Variants in ERC2 observed in about 807,000 individuals in gnomAD.
The protein encoded by ERC2 is ELKS/RAB6-interacting/CAST family member 2, also known as ERC protein 2.
A neutral mutation model predicts 114.8 loss-of-function variants in ERC2; 42 were observed. The observed-to-expected ratio is 0.37, with a 90% CI of 0.29 to 0.47. The LOEUF (loss-of-function observed/expected upper bound fraction) is 0.47, where lower values mean the gene tolerates loss of function less well. ERC2 is among the 20% of genes least tolerant of loss of function. The pLI, the probability that ERC2 is intolerant of heterozygous loss-of-function variation, is 0.99. For missense variants in ERC2, 939 were observed against 1,150.7 expected (o/e 0.82, Z 2.66); for synonymous variants, 454 against 425.5 (o/e 1.07, Z -0.82).
chr3:55,834,050 G>A (rs2060752146), intron 14 of ERC2, among the ~76,000 whole-genome samples: 1 of 151,634 alleles, frequency 6.6e-6, no homozygotes, highest in South Asian at 2.1e-4. Flanking sequence ...AATTCAACAA[G>A]AAGAGCTAAC....
chr3:55,955,204 T>C, intron 12 of ERC2: 2 of 508,936 alleles, frequency 3.9e-6, no homozygotes, highest in South Asian at 2.9e-5. Context: ...GGAATAGTTT[T>C]GGGAGGAAAT....
intron 17 of ERC2, among the ~76,000 whole-genome samples, chr3:55,550,878 T>C (rs867355611): frequency 2.1e-4 from 32 of 151,542 alleles, no homozygotes; most frequent in African/African-American, 4.1e-4. Context: ...TAGCCGGGCG[T>C]GGTGGTGGGT....
Position 56,434,789 on chromosome 3 carries a change from T to G in ERC2, c.219A>C (p.Thr73=), listed in dbSNP as rs770996276. 5.6e-6 allele frequency: 9 copies of G among 1,613,976 alleles called. No individual in the cohort carries two copies. Among genetic ancestry groups the G allele is most frequent in the Admixed American group, 3.3e-5 (2 of 60,024 alleles). ...YLSDHEGVAS[T]TYPKGTMTLG... ...GAGTCATAGTGCCCTTTGGGTAGGT[T>G]GTTGAAGCCACCCCTTCATGATCAC... is the stretch of plus-strand genomic sequence containing the variant. The change falls in exon 2 of 18, where the codon ACA becomes ACC. Residue 73 remains threonine (T), a synonymous_variant. Coordinates refer to ENST00000288221, the MANE Select transcript of ERC2 (RefSeq NM_015576.3).
intron 14 of ERC2, among the ~76,000 whole-genome samples, chr3:55,756,431 T>G (rs1168852118): frequency 7.2e-5 from 11 of 152,150 alleles, no homozygotes; most frequent in Non-Finnish European, 1.0e-4. Flanking sequence ...GCAATGGAGC[T>G]TCCCATATGT....
chr3:55,749,104 G>A (rs2066496597), intron 14 of ERC2, among the ~76,000 whole-genome samples: 1 of 152,182 alleles, frequency 6.6e-6, no homozygotes, highest in Admixed American at 6.5e-5. Context: ...AAGGCCTTTT[G>A]CACAAATTGG....
chr3:55,921,045 T>G (rs1233975097), intron 13 of ERC2, among the ~76,000 whole-genome samples: 1 of 152,102 alleles, frequency 6.6e-6, no homozygotes, highest in Admixed American at 6.6e-5. Flanking sequence ...GAGCACACCC[T>G]AAAACCTCTC....
chr3:55,525,104 A>G (rs1219926770), intron 17 of ERC2, among the ~76,000 whole-genome samples: 1 of 152,204 alleles, frequency 6.6e-6, no homozygotes, highest in Admixed American at 6.5e-5. Context: ...TTTCTAAAGC[A>G]TCATTTCTCT....
At chr3:56,355,429 CCA>C (rs1469265456) in intron 2 of ERC2, among the ~76,000 whole-genome samples, 2 of 151,890 alleles carry the variant, frequency 1.3e-5, no homozygotes, top group Non-Finnish European at 2.9e-5. Flanking sequence ...AGTGATCTTC[CCA>C]CCTCAGCCTC....
chr3:55,570,372 G>A (rs572828738), intron 17 of ERC2, among the ~76,000 whole-genome samples: 13 of 152,238 alleles, frequency 8.5e-5, no homozygotes, highest in African/African-American at 2.4e-4. Context: ...TAGGAAGTTC[G>A]GCCAGAAGAG....
At chr3:55,991,216 C>T (rs1576476107) in intron 11 of ERC2, among the ~76,000 whole-genome samples, 1 of 152,182 alleles carries the variant, frequency 6.6e-6, no homozygotes, top group East Asian at 1.9e-4. Context: ...TCAAAGCTGG[C>T]TAACATTCAC....
At chr3:56,213,947 A>G (rs1436844408) in intron 3 of ERC2, among the ~76,000 whole-genome samples, 1 of 152,198 alleles carries the variant, frequency 6.6e-6, no homozygotes, top group Non-Finnish European at 1.5e-5. Flanking sequence ...GAAGGTCCTG[A>G]CTGCTAGAAG....
chr3:56,127,790 A>C (rs1412122413), intron 6 of ERC2, among the ~76,000 whole-genome samples: 1 of 152,106 alleles, frequency 6.6e-6, no homozygotes, highest in Non-Finnish European at 1.5e-5. Flanking sequence ...AGTGGAACAA[A>C]ACAGAGAGTC....
chr3:56,386,003 CAT>C (rs1261430439), intron 2 of ERC2, among the ~76,000 whole-genome samples: 1 of 152,120 alleles, frequency 6.6e-6, no homozygotes, highest in East Asian at 1.9e-4. Flanking sequence ...TACTGATAGA[CAT>C]ATGGCTTCAA....
chr3:56,207,565 T>C (rs2048815199), intron 3 of ERC2, among the ~76,000 whole-genome samples: 2 of 152,160 alleles, frequency 1.3e-5, no homozygotes, highest in African/African-American at 2.4e-5. Context: ...ATATTCCATC[T>C]CACAGGCTTA....
intron 2 of ERC2, among the ~76,000 whole-genome samples, chr3:56,420,013 A>G (rs1208770826): frequency 6.6e-6 from 1 of 151,986 alleles, no homozygotes; most frequent in Non-Finnish European, 1.5e-5. Flanking sequence ...AGGCTTATTG[A>G]TTTCTATTGG....
At chr3:55,637,065 G>T (rs1374240799) in intron 17 of ERC2, among the ~76,000 whole-genome samples, 1 of 152,142 alleles carries the variant, frequency 6.6e-6, no homozygotes, top group Non-Finnish European at 1.5e-5. Flanking sequence ...CCTCTCCTGG[G>T]GACTGGCCCA....
intron 12 of ERC2, among the ~76,000 whole-genome samples, 187 bp downstream of exon 12, chr3:55,985,790 C>A (rs1459455969): frequency 6.6e-6 from 1 of 152,240 alleles, no homozygotes; most frequent in East Asian, 1.9e-4. Flanking sequence ...CATCTTTTTC[C>A]TTGCCTTTTC....
intron 3 of ERC2, among the ~76,000 whole-genome samples, chr3:56,233,750 T>C (rs1373270851): frequency 6.6e-6 from 1 of 152,198 alleles, no homozygotes; most frequent in Non-Finnish European, 1.5e-5. Flanking sequence ...GGTTAATCTG[T>C]TCCTTTGCCT....
chr3:55,641,217 C>A (rs1030314192), intron 17 of ERC2, among the ~76,000 whole-genome samples: 2 of 152,142 alleles, frequency 1.3e-5, no homozygotes, highest in Admixed American at 1.3e-4. Context: ...CTAGATGCAG[C>A]CATACCTGAA....
Sources: allele counts gnomAD v4.1 joint callset (sites outside exome capture counted in the v4.1 genomes callset), GRCh38; gene constraint gnomAD v4.1.1; transcripts MANE v1.5; gene names NCBI Gene and HGNC (gene_info 2026-07-23, HGNC 2026-07-21).